Variants in RABGAP1L observed in about 807,000 individuals in gnomAD.
RABGAP1L encodes the protein rab GTPase-activating protein 1-like.
RABGAP1L carries 63 observed loss-of-function variants against 137.7 expected under a neutral mutation model. The observed-to-expected ratio is 0.46, with a 90% confidence interval of 0.37 to 0.56. The LOEUF is 0.56. Among genes scored for constraint, RABGAP1L ranks in the 20% least tolerant of loss-of-function variants. RABGAP1L has a pLI of 0.00. For synonymous variants in RABGAP1L, 431 were observed against 433.7 expected, an observed-to-expected ratio of 0.99 and a Z score of 0.08; for missense variants, 1,095 against 1,244.0, an observed-to-expected ratio of 0.88 and a Z score of 1.80.
intron 17 of RABGAP1L, among the ~76,000 whole-genome samples, 165 bp from the exon 18 acceptor site, chr1:174,752,148 C>T (rs529166331): frequency 6.6e-6 from 1 of 152,030 alleles, no homozygotes; most frequent in South Asian, 2.1e-4. Context: ...TAACAAGCCA[C>T]TCAGGGAAAG....
At chr1:174,224,145 C>T (rs1020481852) in intron 3 of RABGAP1L, among the ~76,000 whole-genome samples, 1 of 152,058 alleles carries the variant, frequency 6.6e-6, no homozygotes, top group African/African-American at 2.4e-5. Flanking sequence ...AAAGCCAAAT[C>T]ACAAAAGGAA....
Position 174,848,603 on chromosome 1 carries a change from T to A in RABGAP1L, c.2340+36643T>A, listed in dbSNP as rs1364591044. Among the ~76,000 whole-genome samples, 183 of 139,786 alleles carry A rather than the reference T, an allele frequency of 1.3e-3. 1 individual carries two copies. The highest frequency in any genetic ancestry group is 2.1e-3 in the Non-Finnish European group (129 of 61,384). The allele number at this position is 139,786 out of a possible 152,430, so 91.7% of individuals were successfully genotyped here. On this transcript the variant is annotated intron_variant, in intron 19 of 25. Coordinates refer to ENST00000681986, the MANE Select transcript of RABGAP1L (RefSeq NM_001366446.1). ...TGCCCGTTCTCAGATCTCCAGCTGC[T>A]TGCTGGGAGAACCACTGCTCTCTTC...
At chr1:174,817,278 T>A (rs1184640705) in intron 19 of RABGAP1L, among the ~76,000 whole-genome samples, 1 of 151,826 alleles carries the variant, frequency 6.6e-6, no homozygotes. Context: ...AGGAAGAAAA[T>A]TAGGAAAGAA....
chr1:174,237,047 C>G (rs1671260299), intron 4 of RABGAP1L, among the ~76,000 whole-genome samples: 2 of 141,000 alleles, frequency 1.4e-5, no homozygotes, highest in Admixed American at 7.1e-5. Context: ...CTCTTTTGAT[C>G]TTTGTTGGTT....
intron 18 of RABGAP1L, among the ~76,000 whole-genome samples, chr1:174,776,229 C>G (rs1169282729): frequency 1.3e-5 from 2 of 152,020 alleles, no homozygotes; most frequent in Non-Finnish European, 2.9e-5. Context: ...AAAAAATTAG[C>G]TGGGTGTGGT....
rs547584174 is a variant in RABGAP1L, at chr1:174,766,935, C to T, written c.2211+14581C>T. ...GCCTGCTATCTGGAGGCTTCACCTG[C>T]ATGATAAAACCATGGTATCCACAAC... On this transcript the variant is annotated intron_variant, in intron 18 of 25. Transcript: ENST00000681986. Among the ~76,000 whole-genome samples the T allele has an allele frequency of 1.4e-4, 21 of 152,326 alleles. No individual in the cohort carries two copies. In the South Asian group the frequency reaches 4.3e-3, roughly 32 times the overall value.
At position 174,402,006 on chromosome 1, in the gene RABGAP1L, C is replaced by T. The variant is rs574672669; in HGVS notation, c.1710+7861C>T. On this transcript the variant is annotated intron_variant, in intron 13 of 25. Transcript: ENST00000681986. ...CTCTAGACTCTACAGTCTAAGTGAGCAAAGATGGTATCTGGGTTTTGCTCA... is the reference window on the plus strand; with the variant it reads ...CTCTAGACTCTACAGTCTAAGTGAGTAAAGATGGTATCTGGGTTTTGCTCA... Among the ~76,000 whole-genome samples, 17 of 152,234 alleles carry T rather than the reference C, an allele frequency of 1.1e-4. No homozygotes were observed. The South Asian group carries it at 1.5e-3, about 13-fold the overall frequency.
chr1:174,448,612 C>G lies in RABGAP1L; in HGVS notation c.1710+54467C>G, dbSNP rs144638321. Reference sequence around the variant, plus strand: ...GAATTTGCATTATTTTGATCTGGATCTACTCCTGCCTAATTTTCTTGCCTT... The same window carrying G: ...GAATTTGCATTATTTTGATCTGGATGTACTCCTGCCTAATTTTCTTGCCTT... On this transcript the variant is annotated intron_variant, in intron 13 of 25. Coordinates refer to ENST00000681986, the MANE Select transcript of RABGAP1L (RefSeq NM_001366446.1). This position sits in a 1 kb window ranked among gnomAD's most constrained non-coding sequence, Gnocchi z 4.2. 2.5e-6 allele frequency: 4 copies of G among 1,613,868 alleles called. No homozygotes were observed. The African/African-American group carries it at 5.3e-5, about 22-fold the overall frequency.
intron 11 of RABGAP1L, among the ~76,000 whole-genome samples, chr1:174,368,910 T>C (rs1243121809): frequency 6.6e-6 from 1 of 152,180 alleles, no homozygotes; most frequent in African/African-American, 2.4e-5. Flanking sequence ...ATAATCAAGA[T>C]TTATAATATC....
At chr1:174,485,903 A>C (rs1403684435) in intron 13 of RABGAP1L, among the ~76,000 whole-genome samples, 2 of 152,110 alleles carry the variant, frequency 1.3e-5, no homozygotes, top group Non-Finnish European at 2.9e-5. Context: ...AAATAGTTTG[A>C]TTCAGATTGA....
At chr1:174,228,000 GC>G (rs1168456255) in intron 3 of RABGAP1L, among the ~76,000 whole-genome samples, 3 of 151,696 alleles carry the variant, frequency 2.0e-5, no homozygotes, top group African/African-American at 7.3e-5. Context: ...TTCCTCTTCT[GC>G]AATTTAGAAA....
intron 19 of RABGAP1L, chr1:174,877,327 C>A: frequency 1.5e-6 from 2 of 1,353,066 alleles, no homozygotes; most frequent in Non-Finnish European, 2.0e-6. Context: ...GTGATAGCAG[C>A]CGCTTTTTTT....
chr1:174,377,238 G>T (rs1413687726), intron 12 of RABGAP1L, among the ~76,000 whole-genome samples: 2 of 151,976 alleles, frequency 1.3e-5, no homozygotes, highest in Non-Finnish European at 2.9e-5. Context: ...CTATGTTCAT[G>T]GAATGAAAAA....
At chr1:174,374,837 T>C (rs1469848642) in intron 12 of RABGAP1L, among the ~76,000 whole-genome samples, 1 of 152,208 alleles carries the variant, frequency 6.6e-6, no homozygotes, top group Non-Finnish European at 1.5e-5. Flanking sequence ...CAAAGTTTTT[T>C]TGTGTGTTTT....
intron 15 of RABGAP1L, among the ~76,000 whole-genome samples, chr1:174,686,743 G>A (rs779492129): frequency 2.2e-5 from 3 of 134,014 alleles, no homozygotes; most frequent in South Asian, 5.4e-4. Context: ...TGAAACCTCC[G>A]CCTCCTGGGT....
At chr1:174,705,028 T>C (rs1222923898) in intron 17 of RABGAP1L, among the ~76,000 whole-genome samples, 1 of 152,158 alleles carries the variant, frequency 6.6e-6, no homozygotes, top group Non-Finnish European at 1.5e-5. Context: ...TTAACAGTTT[T>C]TGAGTTATAT....
chr1:174,615,373 G>A lies in RABGAP1L; in HGVS notation c.1711-22002G>A, dbSNP rs149014627. On this transcript the variant is annotated intron_variant, in intron 13 of 25. Transcript: ENST00000681986. Reference sequence around the variant, plus strand: ...CCTATTTGCCTGGGTATCAGCAGCAGTGGCTGCAGAACTGCGGATTTTCGT... The same window carrying A: ...CCTATTTGCCTGGGTATCAGCAGCAATGGCTGCAGAACTGCGGATTTTCGT... Among the ~76,000 whole-genome samples, 618 of 152,352 alleles carry A rather than the reference G, an allele frequency of 4.1e-3. 6 individuals are homozygous for A. Among genetic ancestry groups the A allele is most frequent in the African/African-American group, 0.012 (503 of 41,582 alleles).
intron 23 of RABGAP1L, among the ~76,000 whole-genome samples, chr1:174,981,977 G>A (rs1484942330): frequency 6.6e-6 from 1 of 152,026 alleles, no homozygotes; most frequent in Non-Finnish European, 1.5e-5. Flanking sequence ...CTTTGCCCAA[G>A]CTCACAAAGC....
intron 13 of RABGAP1L, among the ~76,000 whole-genome samples, chr1:174,550,999 C>CATACATATATATAT (rs1666476243): frequency 1.2e-5 from 1 of 86,372 alleles, no homozygotes; most frequent in African/African-American, 8.3e-5. Flanking sequence ...TATATATACA[C>CATACATATATATAT]ATATATATAT....
Sources: allele counts gnomAD v4.1 joint callset (sites outside exome capture counted in the v4.1 genomes callset), GRCh38; gene constraint gnomAD v4.1.1; non-coding constraint Gnocchi (gnomAD v3.1); transcripts MANE v1.5; gene names NCBI Gene and HGNC (gene_info 2026-07-23, HGNC 2026-07-21).